ARL15: variants seen among roughly 807,000 people sequenced by gnomAD.
ARL15 encodes the protein ARF like GTPase 15, also known as ADP-ribosylation factor-like protein 15.
ARL15 carries 19 observed loss-of-function variants against 25.2 expected under a neutral mutation model. The observed-to-expected ratio is 0.75, with a 90% CI of 0.53 to 1.10. The LOEUF (loss-of-function observed/expected upper bound fraction) is 1.10, where lower values mean the gene tolerates loss of function less well. Among genes scored for constraint, ARL15 ranks in the 50% least tolerant of loss-of-function variants. ARL15 has a pLI of 0.00. For missense variants in ARL15, 220 were observed against 246.0 expected, an observed-to-expected ratio of 0.89 and a Z score of 0.71; for synonymous variants, 94 against 86.8, an observed-to-expected ratio of 1.08 and a Z score of -0.46.
chr5:53,907,488 A>ATATATATATT (rs1360900279), intron 4 of ARL15, among the ~76,000 whole-genome samples: 3 of 18,012 alleles, frequency 1.7e-4, no homozygotes, highest in African/African-American at 8.7e-4. Context: ...ATATATATAT[A>ATATATATATT]TTTTTTTTTT....
intron 4 of ARL15, among the ~76,000 whole-genome samples, chr5:53,976,795 T>G (rs756998812): frequency 1.6e-4 from 24 of 152,076 alleles, no homozygotes; most frequent in Non-Finnish European, 2.2e-4. Flanking sequence ...TGTAGGGAGC[T>G]GGCAGTATGT....
At chr5:54,228,489 C>A (rs758401607) in intron 1 of ARL15, among the ~76,000 whole-genome samples, 1 of 150,004 alleles carries the variant, frequency 6.7e-6, no homozygotes, top group Non-Finnish European at 1.5e-5. Context: ...AGGACTGACC[C>A]CCCCACCCCC....
At chr5:54,155,194 A>C (rs1005047782) in intron 2 of ARL15, among the ~76,000 whole-genome samples, 1 of 152,184 alleles carries the variant, frequency 6.6e-6, no homozygotes, top group African/African-American at 2.4e-5. Context: ...CCTTTACTTC[A>C]AAATATTGCC....
At chr5:54,120,347 C>G (rs1753033719) in intron 3 of ARL15, among the ~76,000 whole-genome samples, 1 of 152,194 alleles carries the variant, frequency 6.6e-6, no homozygotes. Flanking sequence ...AGGCCTTTCT[C>G]AGAGTCCTGT....
intron 4 of ARL15, among the ~76,000 whole-genome samples, chr5:53,918,864 T>C (rs1393679705): frequency 1.3e-5 from 2 of 151,936 alleles, no homozygotes; most frequent in African/African-American, 4.8e-5. Flanking sequence ...CGAAGGTCCA[T>C]TAAACTTGAA....
chr5:54,067,071 G>C (rs989865738), intron 4 of ARL15: 1 of 152,566 alleles, frequency 6.6e-6, no homozygotes, highest in African/African-American at 2.4e-5. Context: ...CTTGCCATTG[G>C]AATGACTGAT....
At chr5:54,182,711 T>C (rs1755096846) in intron 1 of ARL15, among the ~76,000 whole-genome samples, 1 of 152,078 alleles carries the variant, frequency 6.6e-6, no homozygotes, top group African/African-American at 2.4e-5. Flanking sequence ...TTGATGGGGA[T>C]GGCATTGAAT....
chr5:54,087,657 G>A (rs2112132215), intron 4 of ARL15, among the ~76,000 whole-genome samples: 1 of 133,924 alleles, frequency 7.5e-6, no homozygotes, highest in Admixed American at 7.9e-5. Context: ...GTTTCCATTG[G>A]CATTCACCGC....
intron 1 of ARL15, among the ~76,000 whole-genome samples, chr5:54,189,529 G>GA: frequency 6.6e-6 from 1 of 152,234 alleles, no homozygotes; most frequent in East Asian, 1.9e-4. Context: ...AGGGTGAAAA[G>GA]ATCATTCAGT....
chr5:53,931,748 A>G (rs1746201346), intron 4 of ARL15, among the ~76,000 whole-genome samples: 1 of 152,238 alleles, frequency 6.6e-6, no homozygotes, highest in African/African-American at 2.4e-5. Flanking sequence ...AATGAGAATA[A>G]GTAGGGGTCA....
intron 1 of ARL15, among the ~76,000 whole-genome samples, chr5:54,181,739 T>A (rs1357319981): frequency 6.6e-6 from 1 of 152,072 alleles, no homozygotes; most frequent in Non-Finnish European, 1.5e-5. Flanking sequence ...TTTGAAACCA[T>A]CCTGATGAAC....
chr5:54,184,469 A>AAG lies in ARL15; in HGVS notation c.49-12543_49-12542dup, dbSNP rs1476748933. On this transcript the variant is annotated intron_variant, in intron 1 of 4. Coordinates refer to ENST00000504924, the MANE Select transcript of ARL15 (RefSeq NM_019087.3). ...AAAAAAAAAAAAAAAAAAAAAAAAA[A>AAG]AGAGAGAGAGAGAGACTAGGTTCCA... Among the ~76,000 whole-genome samples, 67 of 124,838 alleles carry AAG rather than the reference A, an allele frequency of 5.4e-4. 1 individual carries two copies. Among genetic ancestry groups the AAG allele is most frequent in the East Asian group, 7.6e-4 (3 of 3,926 alleles). 81.9% of individuals were successfully genotyped at this position (124,838 alleles called of 152,430 possible). A position where few individuals can be genotyped will look rare whatever the true frequency, so the allele number is the denominator to read the frequency against.
intron 4 of ARL15, among the ~76,000 whole-genome samples, chr5:54,109,157 C>A (rs1752668136): frequency 6.6e-6 from 1 of 151,904 alleles, no homozygotes; most frequent in South Asian, 2.1e-4. Flanking sequence ...TGTTGACACC[C>A]TAATTTAGAA....
At chr5:54,036,670 G>C (rs2111922796) in intron 4 of ARL15, among the ~76,000 whole-genome samples, 1 of 152,218 alleles carries the variant, frequency 6.6e-6, no homozygotes, top group South Asian at 2.1e-4. Flanking sequence ...ATGGATAAAA[G>C]GGATGGGATG....
chr5:54,263,769 A>G (rs74805247), intron 1 of ARL15, among the ~76,000 whole-genome samples: 1,993 of 152,194 alleles, frequency 0.013, 51 homozygotes, highest in African/African-American at 0.045. Context: ...CCCCATCCAT[A>G]CAACCCCCAT....
intron 4 of ARL15, among the ~76,000 whole-genome samples, chr5:53,900,342 A>T (rs1162008517): frequency 6.6e-6 from 1 of 152,230 alleles, no homozygotes; most frequent in Non-Finnish European, 1.5e-5. Context: ...CTTTTTAGTT[A>T]TAGGAACCAT....
chr5:54,274,088 G>A (rs941133026), intron 1 of ARL15, among the ~76,000 whole-genome samples: 1 of 152,180 alleles, frequency 6.6e-6, no homozygotes, highest in East Asian at 1.9e-4. Context: ...TGCTAGGATC[G>A]TGAGGCAGGG....
intron 1 of ARL15, among the ~76,000 whole-genome samples, chr5:54,211,049 A>G (rs934955616): frequency 6.6e-6 from 1 of 152,236 alleles, no homozygotes; most frequent in African/African-American, 2.4e-5. Flanking sequence ...TTATATCTTT[A>G]CACAAAACGA....
intron 4 of ARL15, among the ~76,000 whole-genome samples, chr5:53,983,873 G>A (rs112878567): frequency 0.032 from 4,925 of 152,216 alleles, 105 homozygotes; most frequent in Non-Finnish European, 0.052. Context: ...CTCCAAGGAT[G>A]GAACTGCTAA....
Sources: allele counts gnomAD v4.1 joint callset (sites outside exome capture counted in the v4.1 genomes callset), GRCh38; gene constraint gnomAD v4.1.1; transcripts MANE v1.5; gene names NCBI Gene and HGNC (gene_info 2026-07-23, HGNC 2026-07-21).